AMPD3: variants seen among roughly 807,000 people sequenced by gnomAD.
AMPD3 encodes the protein AMP deaminase 3.
AMPD3 carries 57 observed loss-of-function variants against 82.3 expected under a neutral mutation model. The ratio of observed to expected loss-of-function variants is 0.69; its 90% CI spans 0.56 to 0.86. AMPD3 has a LOEUF of 0.86. AMPD3 is among the 40% of genes least tolerant of loss of function. The pLI is 0.00. For synonymous variants in AMPD3, 381 were observed against 394.7 expected (o/e 0.97, Z 0.41); for missense variants, 870 against 1,003.8 (o/e 0.87, Z 1.80).
intron 6 of AMPD3, among the ~76,000 whole-genome samples, chr11:10,489,370 C>T (rs1049681978): frequency 2.0e-5 from 3 of 152,256 alleles, no homozygotes; most frequent in Admixed American, 1.3e-4. Context: ...TCCTCACTGG[C>T]TGTGCTGGCA....
chr11:10,501,374 C>A, intron 11 of AMPD3, 96 bp from the exon 12 acceptor site: 1 of 1,549,596 alleles, frequency 6.5e-7, no homozygotes, highest in South Asian at 1.2e-5. Flanking sequence ...CATGGGTGGT[C>A]ATTCCCCCCG....
chr11:10,477,888 C>T, intron 2 of AMPD3: 1 of 985,400 alleles, frequency 1.0e-6, no homozygotes, highest in Non-Finnish European at 1.2e-6. Context: ...GGTCTGCTGC[C>T]AGCCATGGGG....
chr11:10,454,851 A>G (rs574211210), upstream of AMPD3, among the ~76,000 whole-genome samples: 28 of 152,176 alleles, frequency 1.8e-4, no homozygotes, highest in South Asian at 5.6e-3. Flanking sequence ...CTGTAAGTTC[A>G]TTTAATTGTT....
intron 2 of AMPD3, among the ~76,000 whole-genome samples, chr11:10,464,999 CACTT>C (rs2133835256): frequency 6.6e-6 from 1 of 152,302 alleles, no homozygotes; most frequent in South Asian, 2.1e-4. Context: ...GCAGCCCTGT[CACTT>C]ACTACTGAAT....
intron 4 of AMPD3, among the ~76,000 whole-genome samples, chr11:10,483,299 TG>T (rs1848968110): frequency 6.6e-6 from 1 of 152,002 alleles, no homozygotes; most frequent in African/African-American, 2.4e-5. Context: ...AAGTTGGTGG[TG>T]GGGGACACAT....
chr11:10,482,162 A>G lies in AMPD3; in HGVS notation c.526A>G (p.Ile176Val). The change falls in exon 4 of 15, where the codon ATC becomes GTC. Residue 176 changes from isoleucine (I) to valine (V), a missense_variant. Coordinates refer to ENST00000396553, the MANE Select transcript of AMPD3 (RefSeq NM_001025389.2). Reference sequence around the variant, plus strand: ...GCTCGCCTACCACCGCTTCCCGCGGATCACATCCCAGTACCTGGGTCATCC... The same window carrying G: ...GCTCGCCTACCACCGCTTCCCGCGGGTCACATCCCAGTACCTGGGTCATCC... ...ARLAYHRFPRITSQYLGHPRA... is the reference protein window; with the variant it reads ...ARLAYHRFPRVTSQYLGHPRA... 26 of 1,613,960 alleles carry G rather than the reference A, an allele frequency of 1.6e-5. No homozygotes were observed. Among genetic ancestry groups the G allele is most frequent in the Non-Finnish European group, 2.2e-5 (26 of 1,180,028 alleles).
intron 9 of AMPD3, 102 bp downstream of exon 9, chr11:10,495,835 G>A: frequency 3.4e-6 from 5 of 1,461,414 alleles, no homozygotes; most frequent in Non-Finnish European, 4.7e-6. Context: ...GGCCTGTTCT[G>A]GTGCCAGCTT....
rs749010948 is a variant in AMPD3, at chr11:10,496,891, A to C, written c.1510A>C (p.Thr504Pro). ...CATCTTCCTGCCCCTTTTCAAGGCC[A>C]CTATCAACCCCCAAGATCATCGAGA... ...ENIFLPLFKA[T>P]INPQDHRELH... The change falls in exon 10 of 15, where the codon ACT becomes CCT. Residue 504 changes from threonine to proline, a missense_variant. Transcript: ENST00000396553. 2.0e-5 allele frequency: 32 copies of C among 1,613,994 alleles called. No homozygotes were observed. The highest frequency in any genetic ancestry group is 2.6e-5 in the Non-Finnish European group (31 of 1,179,994).
chr11:10,504,758 A>T lies in AMPD3; in HGVS notation c.2127+99A>T, dbSNP rs1166890615. On this transcript the variant is annotated intron_variant, in intron 14 of 14. Transcript: ENST00000396553. ...ACTGGGGATCTGTGATGAACATAGC[A>T]GGCAGGGCCTCTGAGACACTCAGGC... 17 of 1,132,658 alleles carry T rather than the reference A, an allele frequency of 1.5e-5. No homozygotes were observed. In the East Asian group the frequency reaches 3.6e-4, roughly 24 times the overall value. The allele number at this position is 1,132,658 out of a possible 1,614,324, so 70.2% of individuals were successfully genotyped here.
Position 10,466,217 on chromosome 11 carries a change from G to A in AMPD3, c.221+4477G>A, listed in dbSNP as rs986344925. On this transcript the variant is annotated intron_variant, in intron 2 of 14. Transcript: ENST00000396553. Reference sequence around the variant, plus strand: ...AAGGAGGTTGCAGTGATCTGAGATCGCACCATTGCACTGAGCTTGGGTGAC... The same window carrying A: ...AAGGAGGTTGCAGTGATCTGAGATCACACCATTGCACTGAGCTTGGGTGAC... 4.0e-5 allele frequency among the ~76,000 whole-genome samples: 6 copies of A among 151,678 alleles called. No individual in the cohort carries two copies. The South Asian group carries it at 8.3e-4, about 21-fold the overall frequency.
chr11:10,457,821 T>A (rs146087235), intron 1 of AMPD3, among the ~76,000 whole-genome samples: 1 of 152,222 alleles, frequency 6.6e-6, no homozygotes, highest in African/African-American at 2.4e-5. Context: ...CCGGAGCCTG[T>A]GAGGTCGAGG....
chr11:10,468,244 C>T (rs1363061276), intron 2 of AMPD3, among the ~76,000 whole-genome samples: 1 of 151,866 alleles, frequency 6.6e-6, no homozygotes, highest in Non-Finnish European at 1.5e-5. Flanking sequence ...AGAGTCAAGA[C>T]CCAACAGTGT....
chr11:10,456,343 C>G lies in AMPD3; in HGVS notation c.-6+895C>G, dbSNP rs1453895411. 6.2e-7 allele frequency: 1 copy of G among 1,613,154 alleles called. No homozygotes were observed. The highest frequency in any genetic ancestry group is 8.5e-7 in the Non-Finnish European group (1 of 1,179,394). On this transcript the variant is annotated intron_variant, in intron 1 of 14. Transcript: ENST00000396553. The surrounding 1 kb of genome is among the most constrained non-coding windows in gnomAD (Gnocchi z 4.3). Reference sequence around the variant, plus strand: ...TGAGCCTCCTGGGTGGCAGGCAGCACCTCACCCGGGTGCATCACTTGAGTG... The same window carrying G: ...TGAGCCTCCTGGGTGGCAGGCAGCAGCTCACCCGGGTGCATCACTTGAGTG...
rs974073336 is a variant in AMPD3 at position 10,468,425 on chromosome 11, G to A, written c.221+6685G>A. Among the ~76,000 whole-genome samples the A allele has an allele frequency of 2.0e-5, 3 of 151,350 alleles. No individual in the cohort carries two copies. The South Asian group carries it at 6.2e-4, about 31-fold the overall frequency. On this transcript the variant is annotated intron_variant, in intron 2 of 14. Coordinates refer to ENST00000396553, the MANE Select transcript of AMPD3 (RefSeq NM_001025389.2). ...AACAAAGATCAAAAGAGACAAGGAA[G>A]GGCATTACATAATGGTAAAGGGATC...
chr11:10,488,011 A>G lies in AMPD3; in HGVS notation c.939+647A>G, dbSNP rs555524357. Reference sequence around the variant, plus strand: ...AATAAAATAAAATTTAAATTCCCTGAAAAAAAAAAAAGATCTCTCTGGAGA... The same window carrying G: ...AATAAAATAAAATTTAAATTCCCTGGAAAAAAAAAAAGATCTCTCTGGAGA... On this transcript the variant is annotated intron_variant, in intron 6 of 14. Coordinates refer to ENST00000396553, the MANE Select transcript of AMPD3 (RefSeq NM_001025389.2). Among the ~76,000 whole-genome samples, 310 of 142,444 alleles carry G rather than the reference A, an allele frequency of 2.2e-3. 1 individual carries two copies. The highest frequency in any genetic ancestry group is 7.9e-3 in the African/African-American group (292 of 37,132). The allele number at this position is 142,444 out of a possible 152,430, so 93.4% of individuals were successfully genotyped here. A position where few individuals can be genotyped will look rare whatever the true frequency, so the allele number is the denominator to read the frequency against.
At chr11:10,451,749 A>G (rs566074917), upstream of AMPD3, among the ~76,000 whole-genome samples, 13 of 152,322 alleles carry the variant, frequency 8.5e-5, no homozygotes, top group East Asian at 2.1e-3. Flanking sequence ...GAGGGATTTT[A>G]GCATGGTCTT....
chr11:10,498,650 A>T (rs1849490484), intron 10 of AMPD3, among the ~76,000 whole-genome samples: 1 of 152,220 alleles, frequency 6.6e-6, no homozygotes, highest in Non-Finnish European at 1.5e-5. Flanking sequence ...GACACGGAAG[A>T]TTCTGGCCAA....
intron 9 of AMPD3, among the ~76,000 whole-genome samples, 170 bp downstream of exon 9, chr11:10,495,903 TG>T (rs1849384077): frequency 6.6e-6 from 1 of 150,530 alleles, no homozygotes; most frequent in African/African-American, 2.4e-5. Flanking sequence ...GATGTCTGCA[TG>T]ACACTAGAGC....
At chr11:10,501,965 C>G (rs1849593253) in intron 12 of AMPD3, 1 of 985,232 alleles carries the variant, frequency 1.0e-6, no homozygotes, top group South Asian at 4.7e-5. Context: ...TTTTTTGATG[C>G]TGCAACGTAA....
Sources: gnomAD v4.1 joint callset for allele counts (sites outside exome capture counted in the v4.1 genomes callset) on GRCh38, gnomAD v4.1.1 for gene constraint, Gnocchi (gnomAD v3.1) non-coding constraint, MANE v1.5 for transcripts, NCBI Gene and HGNC (gene_info 2026-07-23, HGNC 2026-07-21) for gene names.